Variants in ARK2C observed in about 807,000 individuals in gnomAD.
ARK2C encodes arkadia (RNF111) C-terminal like ring finger ubiquitin ligase 2C.
the ARK2C span, chr18:46,433,564 C>T: frequency 1.4e-6 from 2 of 1,441,870 alleles, no homozygotes; most frequent in East Asian, 4.7e-5. Context: ...GGGGGCAGGG[C>T]CAGGGCGTGG....
the ARK2C span, among the ~76,000 whole-genome samples, chr18:46,354,827 C>T: frequency 6.6e-6 from 1 of 152,212 alleles, no homozygotes; most frequent in African/African-American, 2.4e-5. Context: ...GCTCCATACA[C>T]AAAGCTTTGG....
chr18:46,419,087 G>A, the ARK2C span, among the ~76,000 whole-genome samples: 1 of 152,206 alleles, frequency 6.6e-6, no homozygotes, highest in African/African-American at 2.4e-5. Flanking sequence ...ATGTCCCCGA[G>A]TTCACCCCAG....
the ARK2C span, among the ~76,000 whole-genome samples, chr18:46,379,084 G>A: frequency 3.9e-5 from 6 of 152,230 alleles, no homozygotes; most frequent in Non-Finnish European, 8.8e-5. Context: ...GGTGTTGGGG[G>A]CAATGAAGGA....
the ARK2C span, among the ~76,000 whole-genome samples, chr18:46,440,400 T>C: frequency 6.6e-6 from 1 of 152,244 alleles, no homozygotes; most frequent in Non-Finnish European, 1.5e-5. Flanking sequence ...AATTAAGCTT[T>C]ATCATTGGTG....
the ARK2C span, among the ~76,000 whole-genome samples, chr18:46,388,871 A>G: frequency 6.6e-6 from 1 of 152,166 alleles, no homozygotes; most frequent in African/African-American, 2.4e-5. Context: ...GCAGTTAAAA[A>G]CAGACCTAAG....
the ARK2C span, among the ~76,000 whole-genome samples, chr18:46,395,196 C>G: frequency 2.0e-5 from 3 of 152,236 alleles, no homozygotes; most frequent in Non-Finnish European, 4.4e-5. Context: ...GCTATTAGTA[C>G]TTTCCCCTGG....
At chr18:46,423,993 A>T in the ARK2C span, among the ~76,000 whole-genome samples, 3 of 152,144 alleles carry the variant, frequency 2.0e-5, no homozygotes, top group Admixed American at 6.5e-5. Flanking sequence ...GAATATCTCT[A>T]AGAATATTCC....
the ARK2C span, among the ~76,000 whole-genome samples, chr18:46,402,331 A>AT: frequency 0.12 from 17,709 of 152,172 alleles, 1,800 homozygotes; most frequent in African/African-American, 0.28. Flanking sequence ...TCTAAATCTG[A>AT]TTTTCTCAAT....
At chr18:46,398,621 G>T in the ARK2C span, among the ~76,000 whole-genome samples, 1 of 151,956 alleles carries the variant, frequency 6.6e-6, no homozygotes, top group African/African-American at 2.4e-5. Context: ...CTGGAGTTGG[G>T]CTGACACCAT....
At chr18:46,423,180 G>C in the ARK2C span, among the ~76,000 whole-genome samples, 4 of 152,302 alleles carry the variant, frequency 2.6e-5, no homozygotes, top group East Asian at 5.8e-4. Context: ...CAAAGGCCCT[G>C]GGATTTGTCT....
chr18:46,342,245 T>C, the ARK2C span, among the ~76,000 whole-genome samples: 1 of 152,136 alleles, frequency 6.6e-6, no homozygotes, highest in African/African-American at 2.4e-5. Flanking sequence ...GATTGGACAC[T>C]CGACTATGGC....
the ARK2C span, among the ~76,000 whole-genome samples, chr18:46,424,298 C>T: frequency 5.3e-5 from 8 of 152,214 alleles, no homozygotes; most frequent in East Asian, 1.4e-3. Context: ...GCAGGCAAGG[C>T]CCCTGGGGGT....
At chr18:46,377,740 A>G in the ARK2C span, among the ~76,000 whole-genome samples, 5 of 152,318 alleles carry the variant, frequency 3.3e-5, no homozygotes, top group South Asian at 2.1e-4. Flanking sequence ...AGGAGTTGCT[A>G]TGTGATGGGG....
the ARK2C span, among the ~76,000 whole-genome samples, chr18:46,367,644 A>G: frequency 1.3e-5 from 2 of 152,200 alleles, no homozygotes; most frequent in Non-Finnish European, 1.5e-5. Context: ...AGCTTCTGAC[A>G]TGGAACAAGT....
At chr18:46,350,790 G>A in the ARK2C span, among the ~76,000 whole-genome samples, 1 of 152,176 alleles carries the variant, frequency 6.6e-6, no homozygotes, top group Non-Finnish European at 1.5e-5. Flanking sequence ...TAACAAGCTG[G>A]CGAGCCAGGC....
chr18:46,432,507 A>G, the ARK2C span, among the ~76,000 whole-genome samples: 2 of 152,136 alleles, frequency 1.3e-5, no homozygotes, highest in Non-Finnish European at 2.9e-5. Flanking sequence ...GAGCTTGGCT[A>G]GGCTGGACTA....
the ARK2C span, among the ~76,000 whole-genome samples, chr18:46,392,328 A>G: frequency 6.6e-6 from 1 of 152,152 alleles, no homozygotes; most frequent in Non-Finnish European, 1.5e-5. Context: ...AGGAACATTT[A>G]ATTAGATTCA....
the ARK2C span, among the ~76,000 whole-genome samples, chr18:46,374,109 C>T: frequency 6.6e-6 from 1 of 152,186 alleles, no homozygotes; most frequent in Non-Finnish European, 1.5e-5. Context: ...ACCAGGGGTC[C>T]CCTTATGGAA....
At chr18:46,437,000 C>T in the ARK2C span, among the ~76,000 whole-genome samples, 1 of 152,212 alleles carries the variant, frequency 6.6e-6, no homozygotes, top group South Asian at 2.1e-4. Flanking sequence ...GCAGGAGGAG[C>T]AGCACAGGTG....
Sources: gnomAD v4.1 joint callset for allele counts (sites outside exome capture counted in the v4.1 genomes callset) on GRCh38, gnomAD v4.1.1 for gene constraint, MANE v1.5 for transcripts, NCBI Gene and HGNC (gene_info 2026-07-23, HGNC 2026-07-21) for gene names.